NPR2: variants seen among roughly 807,000 people sequenced by gnomAD.
NPR2 encodes natriuretic peptide receptor 2, also known as atrial natriuretic peptide receptor 2.
In NPR2, 49 loss-of-function variants were observed where a neutral mutation model predicts 120.7. The observed-to-expected ratio is 0.41, with a 90% confidence interval of 0.32 to 0.52. The LOEUF is 0.52. Ranked by LOEUF, NPR2 falls within the 20% of genes least tolerant of loss-of-function variation. The pLI, the probability that NPR2 is intolerant of heterozygous loss-of-function variation, is 0.36. For missense variants in NPR2, 931 were observed against 1,362.9 expected (o/e 0.68, Z 4.99); for synonymous variants, 484 against 519.8 (o/e 0.93, Z 0.94).
At chr9:35,795,360 C>T (rs529795963) in intron 2 of NPR2, among the ~76,000 whole-genome samples, 1 of 152,218 alleles carries the variant, frequency 6.6e-6, no homozygotes, top group Non-Finnish European at 1.5e-5. Flanking sequence ...TTTTTACTAA[C>T]CGTGCATATA....
In NPR2 at chr9:35,800,499, G is replaced by A. The variant is rs1828108138; in HGVS notation, c.1218+16G>A. ...GGACTTTCAGGTGATGGAGGAGGAG[G>A]CAGGGAAGAGAGTGTGGCCCTGCAA... On this transcript the variant is annotated intron_variant, in intron 5 of 21. Transcript: ENST00000342694. The surrounding 1 kb of genome is among the most constrained non-coding windows in gnomAD (Gnocchi z 4.7). 6.2e-6 allele frequency: 10 copies of A among 1,607,176 alleles called. No homozygotes were observed. The East Asian group carries it at 1.6e-4, about 25-fold the overall frequency.
chr9:35,798,560 T>A (rs1390368408), intron 2 of NPR2, among the ~76,000 whole-genome samples: 2 of 152,260 alleles, frequency 1.3e-5, no homozygotes, highest in Non-Finnish European at 2.9e-5. Flanking sequence ...AGCGTATCTC[T>A]ATGGTCCACA....
chr9:35,807,511 AG>A (rs1285279627), intron 18 of NPR2, 113 bp downstream of exon 18: 18 of 859,304 alleles, frequency 2.1e-5, no homozygotes, highest in Non-Finnish European at 3.4e-5. Context: ...TTTTCCCTCC[AG>A]GGTACTCAGC....
At position 35,802,880 on chromosome 9, in the gene NPR2, T is replaced by TCAGAGGA; in HGVS notation, c.1887+78_1887+79insAGAGGAC. 1.0e-6 allele frequency: 1 copy of TCAGAGGA among 995,582 alleles called. No individual in the cohort carries two copies. The highest frequency in any genetic ancestry group is 1.6e-6 in the Non-Finnish European group (1 of 618,420). The allele number at this position is 995,582 out of a possible 1,614,324, so 61.7% of individuals were successfully genotyped here. The stretch of plus-strand genomic sequence containing the variant: ...GTTCTTTGATTGTGGTTTTTCTCCT[T>TCAGAGGA]CTAGTCCTCTGAAGTCCTGTTCTCT... On this transcript the variant is annotated intron_variant, in intron 12 of 21. Transcript: ENST00000342694. This position sits in a 1 kb window ranked among gnomAD's most constrained non-coding sequence, Gnocchi z 4.2.
intron 2 of NPR2, among the ~76,000 whole-genome samples, chr9:35,795,395 A>G (rs1218243954): frequency 6.6e-6 from 1 of 152,136 alleles, no homozygotes; most frequent in Non-Finnish European, 1.5e-5. Flanking sequence ...ATTTATCCAT[A>G]TCCCTCCTTT....
rs1827864568 is a variant in NPR2, at chr9:35,793,891, C to T, written c.668-7C>T. ...AGGGTGCTCCTCTGTCATGTACCTG[C>T]TCCCAGTTGTGTATATCTGCGGCCC... is the stretch of plus-strand genomic sequence containing the variant. On this transcript the variant is annotated splice_region_variant and splice_polypyrimidine_tract_variant and intron_variant, in intron 1 of 21. Transcript: ENST00000342694. 6.2e-7 allele frequency: 1 copy of T among 1,614,028 alleles called. No homozygotes were observed.
At position 35,808,243 on chromosome 9, in the gene NPR2, C is replaced by T. The variant is rs761696629; in HGVS notation, c.2713-266C>T. The T allele has an allele frequency of 2.5e-5, 41 of 1,614,066 alleles. No individual in the cohort carries two copies. Among genetic ancestry groups the T allele is most frequent in the Non-Finnish European group, 3.3e-5 (39 of 1,180,046 alleles). ...TTCCTGATGGCAGAGCCTATTTGTCCATGTCCTGCTGCAGACAGGGTGTTC... is the reference window on the plus strand; with the variant it reads ...TTCCTGATGGCAGAGCCTATTTGTCTATGTCCTGCTGCAGACAGGGTGTTC... On this transcript the variant is annotated intron_variant, in intron 18 of 21. Transcript: ENST00000342694. The surrounding 1 kb of genome is among the most constrained non-coding windows in gnomAD (Gnocchi z 4.0).
chr9:35,801,016 C>T, intron 6 of NPR2, 54 bp from the exon 7 acceptor site: 1 of 1,556,466 alleles, frequency 6.4e-7, no homozygotes, highest in South Asian at 1.1e-5. Flanking sequence ...ACCCCGTTCT[C>T]CATTCTGCCA....
At chr9:35,807,430 C>T (rs776599417) in intron 18 of NPR2, 32 bp downstream of exon 18, 13 of 1,536,572 alleles carry the variant, frequency 8.5e-6, no homozygotes, top group Non-Finnish European at 1.2e-5. Context: ...CAATAGAAGA[C>T]CCTTTAATAG....
chr9:35,805,814 G>A lies in NPR2; in HGVS notation c.2048-16G>A, dbSNP rs747238989. Reference sequence around the variant, plus strand: ...CCCATTTCGGGGGACCTGGCCAGCCGGTTTCCTCTTTTCAGAGAAGCTGTG... The same window carrying A: ...CCCATTTCGGGGGACCTGGCCAGCCAGTTTCCTCTTTTCAGAGAAGCTGTG... On this transcript the variant is annotated splice_polypyrimidine_tract_variant and intron_variant, in intron 13 of 21. Transcript: ENST00000342694. The surrounding 1 kb of genome is among the most constrained non-coding windows in gnomAD (Gnocchi z 4.9). 3.8e-5 allele frequency: 61 copies of A among 1,613,824 alleles called. No homozygotes were observed. The Middle Eastern group carries it at 6.7e-4, about 18-fold the overall frequency.
Position 35,802,183 on chromosome 9 carries a change from T to G in NPR2, c.1633-23T>G, listed in dbSNP as rs1828193091. The stretch of plus-strand genomic sequence containing the variant: ...AGAACTTCTGATATTCACTTTCCTT[T>G]CCCCTTTCACTCCCACCATCAGGGA... On this transcript the variant is annotated intron_variant, in intron 9 of 21. Coordinates refer to ENST00000342694, the MANE Select transcript of NPR2 (RefSeq NM_003995.4). This position sits in a 1 kb window ranked among gnomAD's most constrained non-coding sequence, Gnocchi z 4.2. 1.3e-6 allele frequency: 2 copies of G among 1,522,474 alleles called. No individual in the cohort carries two copies. Among genetic ancestry groups the G allele is most frequent in the Non-Finnish European group, 1.8e-6 (2 of 1,096,764 alleles). The allele number at this position is 1,522,474 out of a possible 1,614,324, so 94.3% of individuals were successfully genotyped here. A position where few individuals can be genotyped will look rare whatever the true frequency, so the allele number is the denominator to read the frequency against.
At chr9:35,799,300 T>C (rs1828049073) in intron 2 of NPR2, among the ~76,000 whole-genome samples, 1 of 152,026 alleles carries the variant, frequency 6.6e-6, no homozygotes, top group African/African-American at 2.4e-5. Context: ...TGGAAGATGT[T>C]GGGCTGGGCT....
In NPR2 at chr9:35,809,498, C is replaced by T. The variant is rs139173465; in HGVS notation, c.*53C>T. On this transcript the variant is annotated 3_prime_UTR_variant, in exon 22 of 22. Coordinates refer to ENST00000342694, the MANE Select transcript of NPR2 (RefSeq NM_003995.4). The surrounding 1 kb of genome is among the most constrained non-coding windows in gnomAD (Gnocchi z 4.1). ...CTTCTGCTGCTGGTACCTGGGTGGG[C>T]AATGGCCACCATGTCTGCACACACC... 1 of 1,613,974 alleles carries T rather than the reference C, an allele frequency of 6.2e-7. No individual in the cohort carries two copies. Among genetic ancestry groups the T allele is most frequent in the African/African-American group, 1.3e-5 (1 of 74,988 alleles).
At chr9:35,799,458 G>A (rs916071600) in intron 2 of NPR2, among the ~76,000 whole-genome samples, 160 bp from the exon 3 acceptor site, 9 of 150,844 alleles carry the variant, frequency 6.0e-5, no homozygotes, top group East Asian at 3.9e-4. Flanking sequence ...ACACACACAC[G>A]CAGAGAGAGA....
chr9:35,795,143 C>G (rs1231795218), intron 2 of NPR2, among the ~76,000 whole-genome samples: 1 of 152,178 alleles, frequency 6.6e-6, no homozygotes, highest in Non-Finnish European at 1.5e-5. Context: ...AGTCTGTTCT[C>G]AAACCACTTT....
intron 2 of NPR2, among the ~76,000 whole-genome samples, chr9:35,794,778 T>A (rs1254106582): frequency 6.6e-6 from 1 of 152,068 alleles, no homozygotes; most frequent in Non-Finnish European, 1.5e-5. Context: ...AGAATCAGAT[T>A]AAGGAGAGCT....
chr9:35,808,961 G>C lies in NPR2; in HGVS notation c.2986+108G>C. 1.1e-6 allele frequency: 1 copy of C among 948,132 alleles called. No homozygotes were observed. The highest frequency in any genetic ancestry group is 1.7e-6 in the Non-Finnish European group (1 of 578,214). 58.7% of individuals were successfully genotyped at this position (948,132 alleles called of 1,614,324 possible). A position where few individuals can be genotyped will look rare whatever the true frequency, so the allele number is the denominator to read the frequency against. On this transcript the variant is annotated intron_variant, in intron 20 of 21. Transcript: ENST00000342694. This position sits in a 1 kb window ranked among gnomAD's most constrained non-coding sequence, Gnocchi z 4.0. ...ATCTGAGAGACCACAGTTCCTTAGT[G>C]TCGCATCCTCGGGCATATTTTGGTT...
At chr9:35,799,974 G>A in intron 3 of NPR2, 48 bp from the exon 4 acceptor site, 1 of 1,612,384 alleles carries the variant, frequency 6.2e-7, no homozygotes, top group Non-Finnish European at 8.5e-7. Context: ...AGAGGGGAAG[G>A]GGCCTTGCAG....
At chr9:35,803,513 G>A (rs915350449) in intron 12 of NPR2, among the ~76,000 whole-genome samples, 6 of 152,034 alleles carry the variant, frequency 3.9e-5, no homozygotes, top group African/African-American at 1.4e-4. Context: ...TGGCATGTCT[G>A]CCCTTTTGTT....
Sources: gnomAD v4.1 joint callset for allele counts (sites outside exome capture counted in the v4.1 genomes callset) on GRCh38, gnomAD v4.1.1 for gene constraint, Gnocchi (gnomAD v3.1) non-coding constraint, MANE v1.5 for transcripts, NCBI Gene and HGNC (gene_info 2026-07-23, HGNC 2026-07-21) for gene names.